The following MRPL14 variants were observed in gnomAD, a reference collection of about 807,000 sequenced individuals.
MRPL14 encodes large ribosomal subunit protein uL14m.
Under a neutral mutation model 10.9 loss-of-function variants are expected in MRPL14, and 8 were observed. The observed-to-expected ratio is 0.74, with a 90% CI of 0.43 to 1.33. The LOEUF is 1.33. Among genes scored for constraint, MRPL14 ranks in the 40% most tolerant of loss-of-function variants. MRPL14 has a pLI of 0.01. For synonymous variants in MRPL14, 82 were observed against 74.1 expected (o/e 1.11, Z -0.54); for missense variants, 179 against 194.5 (o/e 0.92, Z 0.47).
At chr6:44,126,277 G>A (rs762500463) in intron 1 of MRPL14, among the ~76,000 whole-genome samples, 2 of 152,174 alleles carry the variant, frequency 1.3e-5, no homozygotes, top group African/African-American at 2.4e-5. Flanking sequence ...AATACCCTAA[G>A]TGCAACACCC....
intron 1 of MRPL14, among the ~76,000 whole-genome samples, chr6:44,126,171 C>T (rs1777013954): frequency 2.0e-5 from 3 of 152,178 alleles, no homozygotes; most frequent in African/African-American, 7.2e-5. Flanking sequence ...GGAGACAACG[C>T]TTTTCAAATT....
rs1207730734 is a variant in MRPL14, at chr6:44,122,089, C to T, written c.-19+5255G>A. On this transcript the variant is annotated intron_variant, in intron 1 of 2. Coordinates refer to ENST00000372014, the MANE Select transcript of MRPL14 (RefSeq NM_032111.4). ...GGCACAGAGAGCTCTTCCCCCCCCT[C>T]TTTTTTTTTTGGAGACGGAGTCCTG... Among the ~76,000 whole-genome samples, 3 of 148,136 alleles carry T rather than the reference C, an allele frequency of 2.0e-5. No homozygotes were observed. The East Asian group carries it at 5.9e-4, about 29-fold the overall frequency.
intron 2 of MRPL14, among the ~76,000 whole-genome samples, chr6:44,115,357 C>T (rs1411257211): frequency 6.6e-6 from 1 of 152,152 alleles, no homozygotes; most frequent in Non-Finnish European, 1.5e-5. Context: ...GTCCCAAACT[C>T]ATCTCACTGC....
chr6:44,122,289 T>C (rs1014405008), intron 1 of MRPL14, among the ~76,000 whole-genome samples: 3 of 152,216 alleles, frequency 2.0e-5, no homozygotes, highest in Admixed American at 2.0e-4. Context: ...TTCACTGTGT[T>C]AGCCAGGATG....
Position 44,114,220 on chromosome 6 carries a change from G to GAAAAAAAA in MRPL14, c.72-19_72-12dup. On this transcript the variant is annotated splice_polypyrimidine_tract_variant and intron_variant, in intron 2 of 2. Coordinates refer to ENST00000372014, the MANE Select transcript of MRPL14 (RefSeq NM_032111.4). The stretch of plus-strand genomic sequence containing the variant: ...AGACTCCCAGTGGTGCTGGTGGGAG[G>GAAAAAAAA]AAAAAAAAAAGTCTGCAGTCTGTAT... 2 of 1,472,436 alleles carry GAAAAAAAA rather than the reference G, an allele frequency of 1.4e-6. No individual in the cohort carries two copies. Among genetic ancestry groups the GAAAAAAAA allele is most frequent in the South Asian group, 1.3e-5 (1 of 76,496 alleles). The allele number at this position is 1,472,436 out of a possible 1,614,324, so 91.2% of individuals were successfully genotyped here. A position where few individuals can be genotyped will look rare whatever the true frequency, so the allele number is the denominator to read the frequency against.
chr6:44,116,597 A>C lies in MRPL14; in HGVS notation c.15T>G (p.Thr5=). 2 of 1,614,206 alleles carry C rather than the reference A, an allele frequency of 1.2e-6. No homozygotes were observed. The highest frequency in any genetic ancestry group is 1.7e-6 in the Non-Finnish European group (2 of 1,180,022). ...CACAGGTGAAGGGGCCCCAGAGCCCAGTAAAGAAAGCCATGGGATCCCAAG... is the reference window on the plus strand; with the variant it reads ...CACAGGTGAAGGGGCCCCAGAGCCCCGTAAAGAAAGCCATGGGATCCCAAG... The part of the protein sequence containing the change: MAFF[T]GLWGPFTCVS... The change falls in exon 2 of 3, where the codon ACT becomes ACG. Residue 5 remains threonine (T), a synonymous_variant. Transcript: ENST00000372014.
chr6:44,117,377 A>G (rs1041183704), intron 1 of MRPL14, among the ~76,000 whole-genome samples: 2 of 152,202 alleles, frequency 1.3e-5, no homozygotes, highest in African/African-American at 2.4e-5. Flanking sequence ...CCCTAGCACT[A>G]ACAAATATGG....
rs748726268 is a variant in MRPL14, at chr6:44,114,213, G to C, written c.72-4C>G. On this transcript the variant is annotated splice_region_variant and splice_polypyrimidine_tract_variant and intron_variant, in intron 2 of 2. Transcript: ENST00000372014. ...CGCACTCAGACTCCCAGTGGTGCTG[G>C]TGGGAGGAAAAAAAAAAGTCTGCAG... The C allele has an allele frequency of 2.5e-6, 4 of 1,599,396 alleles. No homozygotes were observed. The highest frequency in any genetic ancestry group is 3.4e-6 in the Non-Finnish European group (4 of 1,171,144).
intron 1 of MRPL14, among the ~76,000 whole-genome samples, chr6:44,121,311 T>C (rs760618597): frequency 1.5e-5 from 2 of 131,598 alleles, no homozygotes; most frequent in Non-Finnish European, 3.0e-5. Flanking sequence ...ATTACCCTCC[T>C]GTTTTAGAAT....
At chr6:44,115,409 C>T (rs572853312) in intron 2 of MRPL14, among the ~76,000 whole-genome samples, 6 of 152,308 alleles carry the variant, frequency 3.9e-5, no homozygotes, top group African/African-American at 9.6e-5. Context: ...CTTATCTAGA[C>T]GATGGCTTCT....
rs754461889 is a variant in MRPL14, at chr6:44,116,562, A to C, written c.50T>G (p.Val17Gly). The C allele has an allele frequency of 6.2e-7, 1 of 1,614,124 alleles. No homozygotes were observed. Among genetic ancestry groups the C allele is most frequent in the South Asian group, 1.1e-5 (1 of 91,084 alleles). ...TTACCTGAAACAGTGATGGCTCAGC[A>C]CTCTGCTTACACAGGTGAAGGGGCC... ...LWGPFTCVSRVLSHHCFSTTG... is the reference protein window; with the variant it reads ...LWGPFTCVSRGLSHHCFSTTG... The change falls in exon 2 of 3, where the codon GTG becomes GGG. Residue 17 changes from valine to glycine, a missense_variant. Physicochemically the swap from Val to Gly is moderately radical, Grantham distance 109. Transcript: ENST00000372014.
intron 1 of MRPL14, chr6:44,127,067 AAGC>A (rs1473063586): frequency 2.6e-5 from 4 of 152,050 alleles, no homozygotes; most frequent in Admixed American, 2.0e-4. Flanking sequence ...AACCCGGGGA[AAGC>A]AGGTGAGCGC....
At position 44,114,185 on chromosome 6, in the gene MRPL14, A is replaced by T; in HGVS notation, c.96T>A (p.Ile32=). 6.2e-7 allele frequency: 1 copy of T among 1,611,290 alleles called. No homozygotes were observed. Among genetic ancestry groups the T allele is most frequent in the Middle Eastern group, 1.7e-4 (1 of 5,970 alleles). The stretch of plus-strand genomic sequence containing the variant: ...CCACTCGTACCCGCGTCATCTTCTG[A>T]ATCGCACTCAGACTCCCAGTGGTGC... ...CFSTTGSLSA[I]QKMTRVRVVD... is the part of the protein sequence containing the mutation. The change falls in exon 3 of 3, where the codon ATT becomes ATA. Residue 32 remains isoleucine (I), a synonymous_variant. Transcript: ENST00000372014.
intron 1 of MRPL14, among the ~76,000 whole-genome samples, chr6:44,117,146 G>A (rs10085205): frequency 0.34 from 51,547 of 152,028 alleles, 9,745 homozygotes; most frequent in East Asian, 0.51. Context: ...CACCTGTACA[G>A]CTCAAGGCCA....
At chr6:44,124,159 GTTTA>G (rs1776708970) in intron 1 of MRPL14, among the ~76,000 whole-genome samples, 1 of 152,100 alleles carries the variant, frequency 6.6e-6, no homozygotes, top group Non-Finnish European at 1.5e-5. Flanking sequence ...TGGGCTCCAG[GTTTA>G]TTAAGATGTC....
At chr6:44,123,447 A>C (rs550070364) in intron 1 of MRPL14, among the ~76,000 whole-genome samples, 1 of 152,350 alleles carries the variant, frequency 6.6e-6, no homozygotes, top group Non-Finnish European at 1.5e-5. Context: ...CAGGAAACAA[A>C]AAGCCATCTC....
chr6:44,116,896 C>T (rs1775904709), intron 1 of MRPL14, among the ~76,000 whole-genome samples: 1 of 152,200 alleles, frequency 6.6e-6, no homozygotes, highest in African/African-American at 2.4e-5. Flanking sequence ...ACGGAGAATG[C>T]CTTCCTTATT....
At chr6:44,121,469 G>C (rs1776404084) in intron 1 of MRPL14, among the ~76,000 whole-genome samples, 1 of 152,218 alleles carries the variant, frequency 6.6e-6, no homozygotes, top group Non-Finnish European at 1.5e-5. Flanking sequence ...GTAGAGGCAA[G>C]GGAGGACTAT....
chr6:44,124,498 G>A lies in MRPL14; in HGVS notation c.-19+2846C>T, dbSNP rs1010074214. 2.6e-5 allele frequency among the ~76,000 whole-genome samples: 4 copies of A among 152,214 alleles called. No homozygotes were observed. In the South Asian group the frequency reaches 6.2e-4, roughly 24 times the overall value. ...GATCCTGGCCAGGAAGAGCAAGCTC[G>A]TTCCCTGATTCTCAGGGCAGCACCA... On this transcript the variant is annotated intron_variant, in intron 1 of 2. Coordinates refer to ENST00000372014, the MANE Select transcript of MRPL14 (RefSeq NM_032111.4).
Sources: gnomAD v4.1 joint callset for allele counts (sites outside exome capture counted in the v4.1 genomes callset) on GRCh38, gnomAD v4.1.1 for gene constraint, MANE v1.5 for transcripts, NCBI Gene and HGNC (gene_info 2026-07-23, HGNC 2026-07-21) for gene names.